Variants in MET observed in about 807,000 individuals in gnomAD.
The protein encoded by MET is MET proto-oncogene, receptor tyrosine kinase.
A neutral mutation model predicts 133.1 loss-of-function variants in MET; 48 were observed. The ratio of observed to expected loss-of-function variants is 0.36; its 90% CI spans 0.29 to 0.46. The LOEUF (loss-of-function observed/expected upper bound fraction) is 0.46, where lower values mean the gene tolerates loss of function less well. MET is among the 20% of genes least tolerant of loss of function. MET has a pLI of 1.00. For missense variants in MET, 1,442 were observed against 1,695.9 expected (o/e 0.85, Z 2.63); for synonymous variants, 628 against 616.5 (o/e 1.02, Z -0.28).
intron 1 of MET, among the ~76,000 whole-genome samples, chr7:116,673,520 TC>T (rs1451458323): frequency 2.0e-5 from 3 of 152,342 alleles, no homozygotes; most frequent in African/African-American, 7.2e-5. Flanking sequence ...ATCTGGACCC[TC>T]TCTTGAATTT....
intron 15 of MET, among the ~76,000 whole-genome samples, chr7:116,775,460 T>C (rs1420519819): frequency 6.6e-6 from 1 of 152,156 alleles, no homozygotes; most frequent in Non-Finnish European, 1.5e-5. Flanking sequence ...TCCCAGCACT[T>C]TGGGAGGCCG....
chr7:116,733,147 C>T (rs1793083529), intron 3 of MET, among the ~76,000 whole-genome samples: 1 of 152,008 alleles, frequency 6.6e-6, no homozygotes, highest in African/African-American at 2.4e-5. Context: ...CAGAGACATG[C>T]ACTCTAATGG....
chr7:116,728,117 T>C (rs1452785858), intron 2 of MET, among the ~76,000 whole-genome samples: 1 of 152,210 alleles, frequency 6.6e-6, no homozygotes, highest in Non-Finnish European at 1.5e-5. Flanking sequence ...TCAACACCTC[T>C]TCTGCAGATC....
chr7:116,781,554 C>T (rs1795154763), intron 17 of MET, among the ~76,000 whole-genome samples: 1 of 152,090 alleles, frequency 6.6e-6, no homozygotes, highest in Non-Finnish European at 1.5e-5. Flanking sequence ...CAATGGGGCA[C>T]ACTTTTTGTT....
chr7:116,726,420 C>T (rs958910809), intron 2 of MET, among the ~76,000 whole-genome samples: 2 of 151,688 alleles, frequency 1.3e-5, no homozygotes, highest in African/African-American at 4.8e-5. Flanking sequence ...AGATCTCAAG[C>T]TATACGGTAT....
chr7:116,677,568 G>A (rs1352343997), intron 1 of MET, among the ~76,000 whole-genome samples: 1 of 152,204 alleles, frequency 6.6e-6, no homozygotes, highest in East Asian at 1.9e-4. Context: ...TGTTGACTCA[G>A]TGTCTTTAAA....
intron 1 of MET, among the ~76,000 whole-genome samples, chr7:116,691,622 G>A (rs1417635383): frequency 6.6e-6 from 1 of 152,182 alleles, no homozygotes; most frequent in African/African-American, 2.4e-5. Context: ...TCAGGAGCCT[G>A]CCTCCCTCCG....
At chr7:116,675,590 A>G (rs546164980) in intron 1 of MET, among the ~76,000 whole-genome samples, 17 of 152,268 alleles carry the variant, frequency 1.1e-4, no homozygotes, top group Admixed American at 4.6e-4. Flanking sequence ...GACTAGCTCC[A>G]TGCTATTTCA....
At chr7:116,737,297 T>C (rs1038358197) in intron 3 of MET, among the ~76,000 whole-genome samples, 3 of 152,204 alleles carry the variant, frequency 2.0e-5, no homozygotes, top group African/African-American at 7.2e-5. Context: ...CAAAAACTAG[T>C]TAGATGCAGA....
chr7:116,724,958 AG>A, intron 2 of MET: 1 of 928,134 alleles, frequency 1.1e-6, no homozygotes, highest in Non-Finnish European at 1.5e-6. Flanking sequence ...TGTAAACACT[AG>A]GAACAAATGC....
intron 2 of MET, among the ~76,000 whole-genome samples, chr7:116,716,962 C>G (rs186496275): frequency 4.6e-5 from 7 of 152,198 alleles, no homozygotes; most frequent in Non-Finnish European, 4.4e-5. Context: ...TTTTGCCCCC[C>G]CCAGCTTTGC....
chr7:116,762,900 C>T, intron 10 of MET, 150 bp from the exon 11 acceptor site: 1 of 716,474 alleles, frequency 1.4e-6, no homozygotes, highest in African/African-American at 1.8e-5. Context: ...ATCGTGTTTC[C>T]AGAAATGTGT....
At chr7:116,757,387 A>G (rs749537778) in intron 6 of MET, 50 bp from the exon 7 acceptor site, 2 of 1,482,880 alleles carry the variant, frequency 1.3e-6, no homozygotes, top group African/African-American at 1.4e-5. Context: ...CAACCTAACC[A>G]GAAAATTCCT....
chr7:116,721,735 G>C (rs1484171938), intron 2 of MET, among the ~76,000 whole-genome samples: 3 of 151,716 alleles, frequency 2.0e-5, no homozygotes, highest in East Asian at 3.9e-4. Flanking sequence ...CCTTCATTTC[G>C]TTATGTATCC....
chr7:116,728,669 C>G (rs916829339), intron 2 of MET, among the ~76,000 whole-genome samples: 4 of 152,150 alleles, frequency 2.6e-5, no homozygotes, highest in Non-Finnish European at 5.9e-5. Context: ...TTTGCAGATG[C>G]ACTAATTTTT....
At chr7:116,751,878 G>C (rs1009725204) in intron 5 of MET, among the ~76,000 whole-genome samples, 1 of 151,976 alleles carries the variant, frequency 6.6e-6, no homozygotes, top group Non-Finnish European at 1.5e-5. Context: ...TGGCTAACAC[G>C]GTGAAACCCT....
In MET at chr7:116,795,642, CT is replaced by C; in HGVS notation, c.3799-11del. 1 of 1,613,480 alleles carries C rather than the reference CT, an allele frequency of 6.2e-7. No individual in the cohort carries two copies. The highest frequency in any genetic ancestry group is 1.3e-5 in the African/African-American group (1 of 75,014). On this transcript the variant is annotated splice_polypyrimidine_tract_variant and intron_variant, in intron 19 of 20. Transcript: ENST00000397752. The stretch of plus-strand genomic sequence containing the variant: ...ATCTCTCACCTCATCTGTCCTGTTT[CT>C]TGTTTTACTAGTGGTCCTTTGGCGT...
chr7:116,743,926 A>G (rs997362224), intron 5 of MET, among the ~76,000 whole-genome samples: 20 of 152,306 alleles, frequency 1.3e-4, no homozygotes, highest in African/African-American at 4.6e-4. Context: ...CAAACTCCAG[A>G]AGACCTGCAG....
chr7:116,705,029 C>G (rs1398026932), intron 2 of MET, among the ~76,000 whole-genome samples: 1 of 152,010 alleles, frequency 6.6e-6, no homozygotes, highest in African/African-American at 2.4e-5. Context: ...AGTCACTACT[C>G]AGAGCCATCA....
Sources: allele counts gnomAD v4.1 joint callset (sites outside exome capture counted in the v4.1 genomes callset), GRCh38; gene constraint gnomAD v4.1.1; transcripts MANE v1.5; gene names NCBI Gene and HGNC (gene_info 2026-07-23, HGNC 2026-07-21).